Variants in NSFL1C observed in about 807,000 individuals in gnomAD.
The protein encoded by NSFL1C is NSFL1 cofactor p47.
A neutral mutation model predicts 43.1 loss-of-function variants in NSFL1C; 14 were observed. The observed-to-expected ratio is 0.32, with a 90% confidence interval of 0.21 to 0.51. The LOEUF (loss-of-function observed/expected upper bound fraction) is 0.51, where lower values mean the gene tolerates loss of function less well. Among genes scored for constraint, NSFL1C ranks in the 20% least tolerant of loss-of-function variants. NSFL1C has a pLI of 0.98. For missense variants in NSFL1C, 406 were observed against 472.5 expected, an observed-to-expected ratio of 0.86 and a Z score of 1.30; for synonymous variants, 171 against 183.5, an observed-to-expected ratio of 0.93 and a Z score of 0.55.
chr20:1,454,908 G>A, intron 4 of NSFL1C, 59 bp downstream of exon 4: 1 of 1,549,768 alleles, frequency 6.5e-7, no homozygotes, highest in Non-Finnish European at 8.8e-7. Context: ...TGAAGAAGGT[G>A]GCATTCCCAG....
At chr20:1,465,419 C>A (rs1057028326) in intron 1 of NSFL1C, among the ~76,000 whole-genome samples, 1 of 152,238 alleles carries the variant, frequency 6.6e-6, no homozygotes, top group Non-Finnish European at 1.5e-5. Flanking sequence ...AGTTTCCCCA[C>A]TACAATGTGA....
Position 1,443,800 on chromosome 20 carries a change from G to A in NSFL1C, c.1062C>T (p.Thr354=). ...PNKELADESQ[T]LKEANLLNAV... is the part of the protein sequence containing the mutation. The stretch of plus-strand genomic sequence containing the variant: ...CATTGAGCAGGTTGGCTTCCTTCAG[G>A]GTCTGGCTCTCATCAGCCAGCTCTT... Residue 354 remains threonine, a synonymous_variant, in exon 9 of 9, where the codon ACC becomes ACT. Transcript: ENST00000216879. The A allele has an allele frequency of 6.2e-7, 1 of 1,614,130 alleles. No individual in the cohort carries two copies. Among genetic ancestry groups the A allele is most frequent in the Non-Finnish European group, 8.5e-7 (1 of 1,180,024 alleles).
intron 4 of NSFL1C, 133 bp downstream of exon 4, chr20:1,454,834 C>T (rs1455643266): frequency 4.3e-6 from 4 of 938,296 alleles, no homozygotes; most frequent in Non-Finnish European, 3.3e-6. Context: ...AAACTACACT[C>T]GTGTTCCGCA....
chr20:1,466,083 G>A (rs1053006636), intron 1 of NSFL1C, among the ~76,000 whole-genome samples: 3 of 152,202 alleles, frequency 2.0e-5, no homozygotes, highest in African/African-American at 4.8e-5. Context: ...TCCAGGCACT[G>A]GGAATTCATC....
At chr20:1,460,880 G>A (rs764932918) in intron 2 of NSFL1C, among the ~76,000 whole-genome samples, 1 of 152,154 alleles carries the variant, frequency 6.6e-6, no homozygotes, top group Non-Finnish European at 1.5e-5. Context: ...GGATGAAAGA[G>A]GGGAAAAAAG....
At chr20:1,456,310 G>A (rs2090299346) in intron 3 of NSFL1C, 1 of 152,962 alleles carries the variant, frequency 6.5e-6, no homozygotes, top group African/African-American at 2.4e-5. Flanking sequence ...TTTAGGAGCT[G>A]GGCATTCACG....
intron 3 of NSFL1C, chr20:1,457,874 C>A (rs779816471): frequency 4.0e-6 from 1 of 248,510 alleles, no homozygotes; most frequent in Non-Finnish European, 7.9e-6. Flanking sequence ...GTGAAGAGCA[C>A]CGCAATGAGC....
chr20:1,450,120 T>G (rs893626192), intron 7 of NSFL1C, among the ~76,000 whole-genome samples: 1 of 152,214 alleles, frequency 6.6e-6, no homozygotes, highest in African/African-American at 2.4e-5. Flanking sequence ...CCCAGATAAT[T>G]AAGATTTTGA....
intron 2 of NSFL1C, among the ~76,000 whole-genome samples, chr20:1,459,752 A>G (rs567075357): frequency 6.6e-6 from 1 of 152,346 alleles, no homozygotes; most frequent in South Asian, 2.1e-4. Flanking sequence ...ACATGGTTCA[A>G]AAGGATCCAA....
intron 7 of NSFL1C, among the ~76,000 whole-genome samples, chr20:1,446,846 T>TACA (rs2090069894): frequency 1.3e-5 from 2 of 150,686 alleles, no homozygotes; most frequent in Non-Finnish European, 3.0e-5. Context: ...AGCCTCTAAT[T>TACA]AGATCAGTTC....
intron 2 of NSFL1C, among the ~76,000 whole-genome samples, chr20:1,462,111 T>C (rs561965150): frequency 7.9e-5 from 12 of 152,284 alleles, no homozygotes; most frequent in African/African-American, 2.9e-4. Flanking sequence ...TAAGAATCCT[T>C]ATTCTAGAGT....
intron 5 of NSFL1C, among the ~76,000 whole-genome samples, chr20:1,453,935 A>G (rs960904091): frequency 7.2e-5 from 11 of 152,170 alleles, no homozygotes; most frequent in African/African-American, 2.7e-4. Context: ...CCCCAGATAC[A>G]CTGTACCTCT....
At chr20:1,454,730 CAAACA>C in intron 4 of NSFL1C, among the ~76,000 whole-genome samples, 1 of 152,232 alleles carries the variant, frequency 6.6e-6, no homozygotes, top group African/African-American at 2.4e-5. Flanking sequence ...TTTGATAGGC[CAAACA>C]AAACATGTAT....
At chr20:1,464,656 G>A (rs1203780712) in intron 1 of NSFL1C, among the ~76,000 whole-genome samples, 1 of 152,138 alleles carries the variant, frequency 6.6e-6, no homozygotes, top group African/African-American at 2.4e-5. Context: ...TGGCTGGGGT[G>A]GAAGACACTC....
intron 7 of NSFL1C, among the ~76,000 whole-genome samples, chr20:1,447,249 C>T (rs763265329): frequency 1.8e-4 from 27 of 152,230 alleles, no homozygotes; most frequent in Non-Finnish European, 3.5e-4. Flanking sequence ...AATGACACTA[C>T]GATAGGCCAC....
At chr20:1,452,417 T>C in intron 7 of NSFL1C, 76 bp downstream of exon 7, 1 of 1,543,092 alleles carries the variant, frequency 6.5e-7, no homozygotes. Context: ...ATAACCAAAG[T>C]GAGTGATACA....
At chr20:1,460,572 A>G (rs991824511) in intron 2 of NSFL1C, among the ~76,000 whole-genome samples, 1 of 152,112 alleles carries the variant, frequency 6.6e-6, no homozygotes, top group Non-Finnish European at 1.5e-5. Context: ...CTCCCAGGCT[A>G]CTCTGGCATA....
In NSFL1C at chr20:1,442,897, G is replaced by C. The variant is rs1470711371; in HGVS notation, c.*852C>G. 6.6e-6 allele frequency: 1 copy of C among 152,170 alleles called. No homozygotes were observed. Among genetic ancestry groups the C allele is most frequent in the Non-Finnish European group, 1.5e-5 (1 of 68,026 alleles). The allele number at this position is 152,170 out of a possible 1,614,324, so 9.4% of individuals were successfully genotyped here. On this transcript the variant is annotated 3_prime_UTR_variant, in exon 9 of 9. Transcript: ENST00000216879. Reference sequence around the variant, plus strand: ...TTTGACTGTTTATCTTATAGGGCAAGATACCCTGATTCTGAACTCACTTAG... The same window carrying C: ...TTTGACTGTTTATCTTATAGGGCAACATACCCTGATTCTGAACTCACTTAG...
At chr20:1,456,890 T>C (rs1393177250) in intron 3 of NSFL1C, 2 of 152,238 alleles carry the variant, frequency 1.3e-5, no homozygotes, top group East Asian at 3.8e-4. Flanking sequence ...ATTATTATTA[T>C]AGCATATGAA....
Sources: gnomAD v4.1 joint callset for allele counts (sites outside exome capture counted in the v4.1 genomes callset) on GRCh38, gnomAD v4.1.1 for gene constraint, MANE v1.5 for transcripts, NCBI Gene and HGNC (gene_info 2026-07-23, HGNC 2026-07-21) for gene names.